The following GPC3 variants were observed in gnomAD, a reference collection of about 807,000 sequenced individuals.
GPC3 encodes glypican 3.
GPC3 carries 3 observed loss-of-function variants against 34.4 expected under a neutral mutation model. That is an observed-to-expected ratio of 0.09 (90% CI 0.04 to 0.23). GPC3 has a LOEUF of 0.23. Ranked by LOEUF, GPC3 falls within the 10% of genes least tolerant of loss-of-function variation. GPC3 has a pLI of 1.00. For synonymous variants in GPC3, 177 were observed against 174.0 expected, an observed-to-expected ratio of 1.02 and a Z score of -0.13; for missense variants, 351 against 445.6, an observed-to-expected ratio of 0.79 and a Z score of 1.91.
chrX:133,920,113 T>C (rs2076241756), intron 2 of GPC3, among the ~76,000 whole-genome samples: 1 of 109,030 alleles, frequency 9.2e-6, no homozygotes, highest in African/African-American at 3.3e-5. Context: ...TGCAGTGAGC[T>C]TGATCACACC....
chrX:133,595,491 G>T (rs1449270718), intron 7 of GPC3, among the ~76,000 whole-genome samples: 2 of 111,193 alleles, frequency 1.8e-5, no homozygotes, highest in African/African-American at 6.5e-5. Flanking sequence ...GACCCCAGCA[G>T]TACTATATTA....
At chrX:133,596,671 C>G in intron 6 of GPC3, 72 bp from the exon 7 acceptor site, 1 of 1,015,490 alleles carries the variant, frequency 9.8e-7, no homozygotes, top group Non-Finnish European at 1.4e-6. Context: ...GTGTTATTAA[C>G]AGGAGGCATT....
chrX:133,621,958 A>G (rs953510555), intron 6 of GPC3, among the ~76,000 whole-genome samples: 5 of 112,076 alleles, frequency 4.5e-5, no homozygotes, highest in African/African-American at 1.6e-4. Context: ...TGAAGCTTCC[A>G]GAGGAACTAT....
intron 2 of GPC3, among the ~76,000 whole-genome samples, chrX:133,905,530 G>A (rs1049024904): frequency 1.8e-5 from 2 of 112,117 alleles, no homozygotes; most frequent in Admixed American, 1.9e-4. Flanking sequence ...ATCCCCGGGA[G>A]ATCACACCTT....
intron 2 of GPC3, among the ~76,000 whole-genome samples, chrX:133,886,579 G>T (rs189784539): frequency 9.0e-6 from 1 of 111,269 alleles, no homozygotes; most frequent in African/African-American, 3.3e-5. Flanking sequence ...CTGAAACATT[G>T]TACCCTTTGA....
intron 6 of GPC3, among the ~76,000 whole-genome samples, chrX:133,599,741 T>C (rs1449440587): frequency 8.9e-6 from 1 of 112,033 alleles, no homozygotes; most frequent in African/African-American, 3.2e-5. Flanking sequence ...GTGTACATCA[T>C]GGAATACCTG....
chrX:133,844,463 G>T (rs2075838975), intron 2 of GPC3, among the ~76,000 whole-genome samples: 1 of 111,334 alleles, frequency 9.0e-6, no homozygotes, highest in South Asian at 3.8e-4. Context: ...AGTGAGGTAG[G>T]TTGTACTTAT....
intron 6 of GPC3, among the ~76,000 whole-genome samples, 156 bp downstream of exon 6, chrX:133,661,560 ATCTCTCTTTCTCTC>A (rs2070717091): frequency 1.6e-5 from 1 of 60,652 alleles, no homozygotes; most frequent in African/African-American, 7.1e-5. Context: ...AGCTGGCTAT[ATCTCTCTTTCTCTC>A]TCTCTCTCTC....
At chrX:133,684,288 G>A (rs1165762054) in intron 5 of GPC3, among the ~76,000 whole-genome samples, 1 of 112,105 alleles carries the variant, frequency 8.9e-6, no homozygotes, top group Non-Finnish European at 1.9e-5. Context: ...GAGATAGATA[G>A]TGATAAATCA....
At chrX:133,583,970 C>G (rs190905274) in intron 7 of GPC3, among the ~76,000 whole-genome samples, 1 of 111,879 alleles carries the variant, frequency 8.9e-6, no homozygotes, top group East Asian at 2.8e-4. Context: ...CCCCATCTGT[C>G]TGTCTCTTCT....
At chrX:133,854,986 A>T (rs756980683) in intron 2 of GPC3, among the ~76,000 whole-genome samples, 69 of 112,636 alleles carry the variant, frequency 6.1e-4, no homozygotes, top group Non-Finnish European at 1.1e-3. Context: ...TATATACAGC[A>T]TAATCACATT....
At chrX:133,562,362 G>A (rs1036120550) in intron 7 of GPC3, among the ~76,000 whole-genome samples, 1 of 111,140 alleles carries the variant, frequency 9.0e-6, no homozygotes, top group African/African-American at 3.3e-5. Flanking sequence ...TGGGCACAGT[G>A]GCACACAACT....
At chrX:133,664,082 C>T (rs950532262) in intron 5 of GPC3, among the ~76,000 whole-genome samples, 2 of 112,020 alleles carry the variant, frequency 1.8e-5, no homozygotes, top group Non-Finnish European at 3.8e-5. Context: ...TAAAGTGAGG[C>T]ACACTTGTAT....
intron 3 of GPC3, among the ~76,000 whole-genome samples, chrX:133,702,830 C>G (rs902437096): frequency 1.8e-5 from 2 of 111,799 alleles, no homozygotes; most frequent in African/African-American, 6.5e-5. Context: ...AGACAGGCTG[C>G]ATTTTCCTCC....
At chrX:133,853,238 A>G (rs1405578651) in intron 2 of GPC3, among the ~76,000 whole-genome samples, 4 of 111,786 alleles carry the variant, frequency 3.6e-5, no homozygotes, top group Non-Finnish European at 5.6e-5. Flanking sequence ...ATGTATGTAT[A>G]TGAGAACACG....
intron 2 of GPC3, among the ~76,000 whole-genome samples, chrX:133,765,061 C>T (rs2071832861): frequency 9.0e-6 from 1 of 111,685 alleles, no homozygotes; most frequent in Admixed American, 9.5e-5. Context: ...ACAGTTCTTC[C>T]AATAATCCAC....
At chrX:133,726,831 A>G (rs1172058391) in intron 3 of GPC3, among the ~76,000 whole-genome samples, 1 of 112,296 alleles carries the variant, frequency 8.9e-6, no homozygotes, top group Non-Finnish European at 1.9e-5. Flanking sequence ...TCCTATCAGG[A>G]AACTCCCTCC....
At chrX:133,617,945 A>T (rs1331511828) in intron 6 of GPC3, among the ~76,000 whole-genome samples, 1 of 111,665 alleles carries the variant, frequency 9.0e-6, no homozygotes, top group African/African-American at 3.3e-5. Flanking sequence ...AAATGATTTC[A>T]TTTATGTGTG....
intron 7 of GPC3, among the ~76,000 whole-genome samples, chrX:133,556,202 T>A (rs770744964): frequency 1.8e-5 from 2 of 111,937 alleles, no homozygotes; most frequent in African/African-American, 3.3e-5. Context: ...TTTTATTTTG[T>A]TAATTTTAAA....
Sources: allele counts gnomAD v4.1 joint callset (sites outside exome capture counted in the v4.1 genomes callset), GRCh38; gene constraint gnomAD v4.1.1; transcripts MANE v1.5; gene names NCBI Gene and HGNC (gene_info 2026-07-23, HGNC 2026-07-21).